The following ELP4 variants were observed in gnomAD, a reference collection of about 807,000 sequenced individuals.
The protein encoded by ELP4 is elongator acetyltransferase complex subunit 4, also known as elongator complex protein 4.
Under a neutral mutation model 48.9 loss-of-function variants are expected in ELP4, and 51 were observed. The observed-to-expected ratio is 1.04, with a 90% CI of 0.83 to 1.32. The LOEUF (loss-of-function observed/expected upper bound fraction) is 1.32. Ranked by LOEUF, ELP4 falls within the 40% of genes most tolerant of loss-of-function variation. ELP4 has a pLI of 0.00. For missense variants in ELP4, 519 were observed against 514.6 expected (o/e 1.01, Z -0.08); for synonymous variants, 210 against 189.2 (o/e 1.11, Z -0.90).
At chr11:31,569,581 G>A (rs1363741988) in intron 3 of ELP4, among the ~76,000 whole-genome samples, 1 of 151,932 alleles carries the variant, frequency 6.6e-6, no homozygotes, top group East Asian at 1.9e-4. Context: ...CAGTAAATCA[G>A]CTGGGCATGT....
chr11:31,593,318 T>A (rs1039368515), intron 3 of ELP4, among the ~76,000 whole-genome samples: 1 of 152,020 alleles, frequency 6.6e-6, no homozygotes, highest in South Asian at 2.1e-4. Context: ...AGTGGCATGA[T>A]CTTGGCTCAC....
At chr11:31,708,414 C>T (rs1294329999) in intron 9 of ELP4, among the ~76,000 whole-genome samples, 1 of 152,152 alleles carries the variant, frequency 6.6e-6, no homozygotes, top group East Asian at 1.9e-4. Context: ...CAGTTATCTA[C>T]AAGTGTATTA....
chr11:31,730,754 A>G (rs1947168386), intron 9 of ELP4, among the ~76,000 whole-genome samples: 1 of 152,228 alleles, frequency 6.6e-6, no homozygotes, highest in South Asian at 2.1e-4. Flanking sequence ...AAGGGGAAAG[A>G]GAAGAATGGA....
chr11:31,732,905 C>T (rs865967172), intron 9 of ELP4, among the ~76,000 whole-genome samples: 8 of 152,254 alleles, frequency 5.3e-5, no homozygotes, highest in Middle Eastern at 3.4e-3. Flanking sequence ...AGCATCAGAG[C>T]ACCCAAATAG....
intron 9 of ELP4, among the ~76,000 whole-genome samples, chr11:31,690,086 T>G (rs1946245392): frequency 6.6e-6 from 1 of 152,200 alleles, no homozygotes; most frequent in African/African-American, 2.4e-5. Flanking sequence ...GATTAATTCC[T>G]TCAGAATAAA....
At chr11:31,642,010 A>G (rs1945109799) in intron 7 of ELP4, among the ~76,000 whole-genome samples, 1 of 151,988 alleles carries the variant, frequency 6.6e-6, no homozygotes, top group African/African-American at 2.4e-5. Flanking sequence ...GTTTCCCATA[A>G]AACATTTTTA....
Position 31,688,104 on chromosome 11 carries a change from C to T in ELP4, c.1143+37883C>T, listed in dbSNP as rs575056867. ...GAGCAAGAGGTTATTTATGTTTTCA[C>T]GCAAATCAGGCTTTAACCAAAATAC... On this transcript the variant is annotated intron_variant, in intron 9 of 9. Coordinates refer to ENST00000640961, the MANE Select transcript of ELP4 (RefSeq NM_019040.5). Among the ~76,000 whole-genome samples, 10 of 152,292 alleles carry T rather than the reference C, an allele frequency of 6.6e-5. No individual in the cohort carries two copies. The South Asian group carries it at 1.0e-3, about 16-fold the overall frequency.
chr11:31,706,677 T>G (rs1021534461), intron 9 of ELP4, among the ~76,000 whole-genome samples: 24 of 151,142 alleles, frequency 1.6e-4, no homozygotes, highest in South Asian at 4.1e-4. Context: ...ACACTATAAC[T>G]TCTATCTAGC....
chr11:31,519,470 G>A (rs1375204407), intron 1 of ELP4, among the ~76,000 whole-genome samples: 2 of 152,152 alleles, frequency 1.3e-5, no homozygotes, highest in African/African-American at 4.8e-5. Context: ...CAGTTAGGTT[G>A]AATGCTGTGT....
intron 7 of ELP4, among the ~76,000 whole-genome samples, chr11:31,638,708 A>G (rs1029264793): frequency 6.6e-6 from 1 of 151,888 alleles, no homozygotes; most frequent in African/African-American, 2.4e-5. Flanking sequence ...GTATGTTTCT[A>G]TGTAGAGAAA....
At chr11:31,510,280 A>G (rs1955963573) in intron 1 of ELP4, 1 of 546,788 alleles carries the variant, frequency 1.8e-6, no homozygotes, top group East Asian at 2.8e-5. Context: ...CATGCTTTTT[A>G]CCCTGAAATG....
chr11:31,723,910 CT>C (rs1947020815), intron 9 of ELP4, among the ~76,000 whole-genome samples: 1 of 152,166 alleles, frequency 6.6e-6, no homozygotes, highest in Admixed American at 6.5e-5. Flanking sequence ...AATAGGCTGT[CT>C]CCTTCATCTA....
intron 5 of ELP4, among the ~76,000 whole-genome samples, chr11:31,611,649 A>T (rs1050993825): frequency 2.0e-5 from 3 of 152,220 alleles, no homozygotes; most frequent in African/African-American, 7.2e-5. Flanking sequence ...GCTTTTTCCA[A>T]ATCTCAACAC....
chr11:31,709,795 A>C (rs926312590), intron 9 of ELP4, among the ~76,000 whole-genome samples: 1 of 152,232 alleles, frequency 6.6e-6, no homozygotes, highest in Admixed American at 6.6e-5. Context: ...AATAATTATC[A>C]TTGTTACTGC....
chr11:31,657,983 A>T (rs940192865), intron 9 of ELP4, among the ~76,000 whole-genome samples: 7 of 152,066 alleles, frequency 4.6e-5, no homozygotes, highest in African/African-American at 1.4e-4. Context: ...ACAAATGAGG[A>T]AACTTACAGT....
At chr11:31,642,877 T>G (rs1403509272) in intron 7 of ELP4, among the ~76,000 whole-genome samples, 2 of 151,850 alleles carry the variant, frequency 1.3e-5, no homozygotes, top group African/African-American at 4.8e-5. Flanking sequence ...ATAAATAACT[T>G]TTTATTATTT....
chr11:31,604,008 C>T (rs902723766), intron 5 of ELP4, 101 bp downstream of exon 5: 2 of 824,268 alleles, frequency 2.4e-6, no homozygotes, highest in Non-Finnish European at 3.6e-6. Flanking sequence ...GGGTAAATAT[C>T]ATAATAATAA....
intron 9 of ELP4, among the ~76,000 whole-genome samples, chr11:31,761,287 A>G (rs893785060): frequency 1.3e-5 from 2 of 151,706 alleles, no homozygotes; most frequent in Non-Finnish European, 2.9e-5. Context: ...GCAGTGAGCC[A>G]TGATTGCACG....
At chr11:31,630,284 C>T (rs1208633440) in intron 6 of ELP4, among the ~76,000 whole-genome samples, 1 of 141,050 alleles carries the variant, frequency 7.1e-6, no homozygotes, top group African/African-American at 2.7e-5. Flanking sequence ...GCCATTATAT[C>T]CCTTCAATTG....
Sources: allele counts gnomAD v4.1 joint callset (sites outside exome capture counted in the v4.1 genomes callset), GRCh38; gene constraint gnomAD v4.1.1; transcripts MANE v1.5; gene names NCBI Gene and HGNC (gene_info 2026-07-23, HGNC 2026-07-21).